The following ZC3H14 variants were observed in gnomAD, a reference collection of about 807,000 sequenced individuals.
The protein encoded by ZC3H14 is zinc finger CCCH domain-containing protein 14.
In ZC3H14, 31 loss-of-function variants were observed where a neutral mutation model predicts 92.4. That is an observed-to-expected ratio of 0.34 (90% confidence interval 0.25 to 0.45). ZC3H14 has a LOEUF of 0.45. Among genes scored for constraint, ZC3H14 ranks in the 20% least tolerant of loss-of-function variants. The pLI, the probability that ZC3H14 is intolerant of heterozygous loss-of-function variation, is 1.00. For missense variants in ZC3H14, 781 were observed against 897.3 expected (o/e 0.87, Z 1.66); for synonymous variants, 321 against 300.9 (o/e 1.07, Z -0.69).
At chr14:88,563,553 G>A in intron 1 of ZC3H14, 98 bp from the exon 2 acceptor site, 1 of 1,588,024 alleles carries the variant, frequency 6.3e-7, no homozygotes, top group South Asian at 1.1e-5. Context: ...GGGATCCGAG[G>A]TGCGCGCACC....
chr14:88,608,423 GT>G lies in ZC3H14; in HGVS notation c.1869-839del, dbSNP rs2140136304. 7 of 328,640 alleles carry G rather than the reference GT, an allele frequency of 2.1e-5. No individual in the cohort carries two copies. In the East Asian group the frequency reaches 6.2e-4, roughly 29 times the overall value. 20.4% of individuals were successfully genotyped at this position (328,640 alleles called of 1,614,324 possible). On this transcript the variant is annotated intron_variant, in intron 13 of 16. Coordinates refer to ENST00000251038, the MANE Select transcript of ZC3H14 (RefSeq NM_024824.5). The stretch of plus-strand genomic sequence containing the variant: ...GTGTCTGTATCTTACACCTTATTTT[GT>G]TTTTGTTTTTCTGTGGACAAGTTTT...
At chr14:88,565,846 A>G (rs1014760452) in intron 2 of ZC3H14, among the ~76,000 whole-genome samples, 2 of 151,952 alleles carry the variant, frequency 1.3e-5, no homozygotes, top group African/African-American at 2.4e-5. Flanking sequence ...ATATGAAACA[A>G]GGCCAGTCTT....
At position 88,626,743 on chromosome 14, in the gene ZC3H14, C is replaced by T. The variant is rs998346296; in HGVS notation, c.*14992C>T. ...AGGGCATGTAATGATTAGCAGATCA[C>T]AGTATCATCTCAACAACATTCATGT... On this transcript the variant is annotated 3_prime_UTR_variant, in exon 17 of 17. Transcript: ENST00000251038. 1.6e-6 allele frequency: 2 copies of T among 1,218,554 alleles called. No individual in the cohort carries two copies. The highest frequency in any genetic ancestry group is 2.3e-6 in the Non-Finnish European group (2 of 858,000). The allele number at this position is 1,218,554 out of a possible 1,614,324, so 75.5% of individuals were successfully genotyped here.
At chr14:88,611,193 A>G (rs1358884568) in intron 16 of ZC3H14, among the ~76,000 whole-genome samples, 1 of 152,102 alleles carries the variant, frequency 6.6e-6, no homozygotes, top group Non-Finnish European at 1.5e-5. Flanking sequence ...TCACACTATC[A>G]TAGCTCACTG....
At chr14:88,577,853 G>A in intron 8 of ZC3H14, 132 bp from the exon 9 acceptor site, 4 of 1,164,644 alleles carry the variant, frequency 3.4e-6, no homozygotes, top group Non-Finnish European at 5.0e-6. Flanking sequence ...ACAGGCATGA[G>A]CCACTGCGCC....
chr14:88,598,324 C>T (rs1402716815), intron 10 of ZC3H14, among the ~76,000 whole-genome samples: 2 of 152,160 alleles, frequency 1.3e-5, no homozygotes, highest in Non-Finnish European at 2.9e-5. Flanking sequence ...TCAAGACTTT[C>T]CTCTCAGGCT....
At chr14:88,571,960 C>A in intron 4 of ZC3H14, 70 bp from the exon 5 acceptor site, 3 of 1,276,406 alleles carry the variant, frequency 2.4e-6, no homozygotes, top group East Asian at 5.7e-5. Flanking sequence ...GAGACTCCAT[C>A]TCAAAAATAA....
intron 9 of ZC3H14, among the ~76,000 whole-genome samples, chr14:88,582,931 T>C (rs1358725605): frequency 6.6e-6 from 1 of 152,138 alleles, no homozygotes; most frequent in Non-Finnish European, 1.5e-5. Flanking sequence ...GATAGCATTC[T>C]CTCATTTCTC....
chr14:88,588,288 T>A (rs984549057), intron 9 of ZC3H14, among the ~76,000 whole-genome samples: 1 of 152,176 alleles, frequency 6.6e-6, no homozygotes, highest in Non-Finnish European at 1.5e-5. Flanking sequence ...GAATTCCATT[T>A]TGTCTTCTCA....
Position 88,622,809 on chromosome 14 carries a change from T to TC in ZC3H14, c.*11058_*11059insC, listed in dbSNP as rs2089247404. On this transcript the variant is annotated 3_prime_UTR_variant, in exon 17 of 17. Coordinates refer to ENST00000251038, the MANE Select transcript of ZC3H14 (RefSeq NM_024824.5). ...ATACCAAGTTATAAGCAGAATCTTTTTTTTTTAAAAAGGCCCTGATATTTA... is the reference window on the plus strand; with the variant it reads ...ATACCAAGTTATAAGCAGAATCTTTTCTTTTTTAAAAAGGCCCTGATATTTA... The TC allele has an allele frequency of 2.3e-6, 2 of 865,740 alleles. No homozygotes were observed. The highest frequency in any genetic ancestry group is 7.3e-5 in the South Asian group (2 of 27,284). The allele number at this position is 865,740 out of a possible 1,614,324, so 53.6% of individuals were successfully genotyped here.
chr14:88,563,524 C>T (rs894447000), intron 1 of ZC3H14, 127 bp from the exon 2 acceptor site: 20 of 1,573,422 alleles, frequency 1.3e-5, no homozygotes, highest in Admixed American at 3.4e-5. Context: ...AGGCGAGGCT[C>T]CTCCCAGCCC....
chr14:88,611,460 G>T (rs1208395892), intron 16 of ZC3H14, among the ~76,000 whole-genome samples: 1 of 152,110 alleles, frequency 6.6e-6, no homozygotes, highest in Non-Finnish European at 1.5e-5. Flanking sequence ...ATATATATGT[G>T]TACTGTACTT....
intron 9 of ZC3H14, among the ~76,000 whole-genome samples, chr14:88,585,446 G>A (rs2082359744): frequency 6.6e-6 from 1 of 150,554 alleles, no homozygotes; most frequent in African/African-American, 2.5e-5. Flanking sequence ...GCGCGATCTC[G>A]GCTCACCGCA....
chr14:88,577,923 A>C (rs1566914747), intron 8 of ZC3H14, 62 bp from the exon 9 acceptor site: 2 of 1,593,860 alleles, frequency 1.3e-6, no homozygotes, highest in African/African-American at 1.3e-5. Context: ...TGACATAGTC[A>C]CTGTGGAGTT....
chr14:88,592,540 A>AT (rs1555404627), intron 9 of ZC3H14: 1 of 113,538 alleles, frequency 8.8e-6, no homozygotes, highest in East Asian at 2.6e-4. Flanking sequence ...TCACTCTGTC[A>AT]CCCAGGCTGC....
chr14:88,572,286 A>G, intron 5 of ZC3H14, 61 bp downstream of exon 5: 2 of 1,564,292 alleles, frequency 1.3e-6, no homozygotes, highest in Non-Finnish European at 1.8e-6. Flanking sequence ...CATTTATATT[A>G]GTTTTTATAT....
chr14:88,608,168 G>A, intron 13 of ZC3H14: 1 of 321,018 alleles, frequency 3.1e-6, no homozygotes, highest in South Asian at 2.1e-5. Context: ...CACCCTGCAA[G>A]TACCATCCCC....
intron 10 of ZC3H14, among the ~76,000 whole-genome samples, chr14:88,600,298 G>A (rs2084425773): frequency 6.6e-6 from 1 of 152,224 alleles, no homozygotes; most frequent in Admixed American, 6.5e-5. Flanking sequence ...ACAGACAGCA[G>A]AGAATCTTTT....
intron 15 of ZC3H14, 98 bp from the exon 16 acceptor site, chr14:88,610,736 C>T (rs2086521521): frequency 8.2e-7 from 1 of 1,220,428 alleles, no homozygotes; most frequent in Non-Finnish European, 1.2e-6. Context: ...TCACTCCAGC[C>T]TGGGTGACAG....
Sources: allele counts gnomAD v4.1 joint callset (sites outside exome capture counted in the v4.1 genomes callset), GRCh38; gene constraint gnomAD v4.1.1; transcripts MANE v1.5; gene names NCBI Gene and HGNC (gene_info 2026-07-23, HGNC 2026-07-21).